Variants in FBXO11 observed in about 807,000 individuals in gnomAD.
The protein encoded by FBXO11 is F-box only protein 11.
FBXO11 carries 13 observed loss-of-function variants against 117.0 expected under a neutral mutation model. The observed-to-expected ratio is 0.11, with a 90% confidence interval of 0.07 to 0.18. The LOEUF (loss-of-function observed/expected upper bound fraction) is 0.18, where lower values mean the gene tolerates loss of function less well. Among genes scored for constraint, FBXO11 ranks in the 10% least tolerant of loss-of-function variants. The pLI is 1.00. For missense variants in FBXO11, 767 were observed against 1,164.4 expected (o/e 0.66, Z 4.97); for synonymous variants, 490 against 380.5 (o/e 1.29, Z -3.35).
rs1672853103 is a variant in FBXO11 at position 47,839,495 on chromosome 2, G to C, written c.366C>G (p.Ala122=). The C allele has an allele frequency of 1.9e-6, 3 of 1,613,544 alleles. No individual in the cohort carries two copies. The highest frequency in any genetic ancestry group is 1.7e-4 in the Middle Eastern group (1 of 6,060). The change falls in exon 3 of 23, where the codon GCC becomes GCG. Residue 122 remains alanine, a synonymous_variant. Transcript: ENST00000403359. ...ACPTKNSMEG[A]STSTTENFGH... is the part of the protein sequence containing the mutation. ...CAAAGTTTTCTGTAGTTGAAGTTGA[G>C]GCGCCCTTCAAAAACAAAACAGAAA...
intron 1 of FBXO11, among the ~76,000 whole-genome samples, chr2:47,848,963 G>A (rs1174530215): frequency 6.6e-6 from 1 of 152,214 alleles, no homozygotes; most frequent in African/African-American, 2.4e-5. Context: ...ATTGACAGAA[G>A]TTTTTTTCCC....
intron 1 of FBXO11, among the ~76,000 whole-genome samples, chr2:47,887,434 C>T (rs560296758): frequency 2.6e-5 from 4 of 151,952 alleles, no homozygotes; most frequent in Admixed American, 1.3e-4. Context: ...GACTTTCCCC[C>T]TTAAATTCTA....
chr2:47,880,642 C>A (rs1408695425), intron 1 of FBXO11, among the ~76,000 whole-genome samples: 1 of 152,168 alleles, frequency 6.6e-6, no homozygotes. Flanking sequence ...TTCTGCTTCA[C>A]CAAGTTTGCT....
In FBXO11 at chr2:47,814,929, A is replaced by G. The variant is rs1309493714; in HGVS notation, c.2007-1062T>C. Among the ~76,000 whole-genome samples the G allele has an allele frequency of 2.0e-5, 3 of 152,160 alleles. No individual in the cohort carries two copies. In the East Asian group the frequency reaches 5.8e-4, roughly 29 times the overall value. ...TTCAACAGGAACAGACCCCACCTCA[A>G]GAAAAACCACTCTTTGCTCATCCGT... is the stretch of plus-strand genomic sequence containing the variant. On this transcript the variant is annotated intron_variant, in intron 16 of 22. Transcript: ENST00000403359.
At chr2:47,871,163 T>G (rs2103828547) in intron 1 of FBXO11, among the ~76,000 whole-genome samples, 1 of 152,290 alleles carries the variant, frequency 6.6e-6, no homozygotes, top group African/African-American at 2.4e-5. Flanking sequence ...AAAGACACAG[T>G]AGCTACCTGC....
intron 1 of FBXO11, among the ~76,000 whole-genome samples, chr2:47,898,664 G>A (rs1347236990): frequency 1.3e-5 from 2 of 152,138 alleles, no homozygotes; most frequent in Middle Eastern, 3.2e-3. Flanking sequence ...ATTATAATCA[G>A]AAGATTACTT....
At chr2:47,859,554 T>C (rs1483687772) in intron 1 of FBXO11, among the ~76,000 whole-genome samples, 1 of 152,214 alleles carries the variant, frequency 6.6e-6, no homozygotes, top group Non-Finnish European at 1.5e-5. Flanking sequence ...CATAAATGGA[T>C]GAGACCTCAA....
chr2:47,877,336 T>C (rs1676079845), intron 1 of FBXO11, among the ~76,000 whole-genome samples: 2 of 152,294 alleles, frequency 1.3e-5, no homozygotes, highest in South Asian at 2.1e-4. Context: ...TTTACACCTA[T>C]AGACTAAGGA....
intron 1 of FBXO11, among the ~76,000 whole-genome samples, chr2:47,885,219 T>C (rs990794527): frequency 6.6e-6 from 1 of 152,048 alleles, no homozygotes; most frequent in Non-Finnish European, 1.5e-5. Flanking sequence ...AATACTGAAG[T>C]CAAGCAACCA....
chr2:47,905,453 G>C (rs1191268269), intron 1 of FBXO11, 36 bp downstream of exon 1: 2 of 1,208,008 alleles, frequency 1.7e-6, no homozygotes, highest in Non-Finnish European at 2.1e-6. Context: ...CGCGGTGCCC[G>C]GGAAGGCGGG....
At chr2:47,822,942 T>G (rs1028649006) in intron 12 of FBXO11, among the ~76,000 whole-genome samples, 1 of 152,108 alleles carries the variant, frequency 6.6e-6, no homozygotes, top group African/African-American at 2.4e-5. Flanking sequence ...ATATCACTAA[T>G]AAAAAGAAAA....
At chr2:47,814,077 TAG>T (rs1258644388) in intron 16 of FBXO11, 4 of 464,904 alleles carry the variant, frequency 8.6e-6, no homozygotes, top group Non-Finnish European at 1.6e-5. Flanking sequence ...ATTATTATTG[TAG>T]AGTTTCCTAA....
intron 1 of FBXO11, among the ~76,000 whole-genome samples, chr2:47,897,165 CTAAG>C (rs1298602166): frequency 2.6e-5 from 4 of 152,166 alleles, no homozygotes; most frequent in East Asian, 1.9e-4. Context: ...CCCTTTCCTA[CTAAG>C]TGTTAGAATC....
chr2:47,861,269 T>C (rs1002998990), intron 1 of FBXO11, among the ~76,000 whole-genome samples: 1 of 152,134 alleles, frequency 6.6e-6, no homozygotes, highest in Non-Finnish European at 1.5e-5. Context: ...GGAGTAGATA[T>C]TGTAATTGAC....
chr2:47,854,392 A>C (rs527902151), intron 1 of FBXO11, among the ~76,000 whole-genome samples: 4 of 152,122 alleles, frequency 2.6e-5, no homozygotes, highest in Non-Finnish European at 4.4e-5. Flanking sequence ...AGTTTTCCAC[A>C]ACTTTCCCAT....
chr2:47,900,697 C>A lies in FBXO11; in HGVS notation c.232+4792G>T, dbSNP rs1403714018. 3.3e-5 allele frequency among the ~76,000 whole-genome samples: 3 copies of A among 90,920 alleles called. 1 individual carries two copies. The highest frequency in any genetic ancestry group is 7.4e-5 in the Non-Finnish European group (3 of 40,672). 59.6% of individuals were successfully genotyped at this position (90,920 alleles called of 152,430 possible). ...ATACACACGTATACACACACGTATA[C>A]ACACACGTGTATATATATACACGTA... On this transcript the variant is annotated intron_variant, in intron 1 of 22. Transcript: ENST00000403359.
At chr2:47,865,064 TAACA>T (rs1481700116) in intron 1 of FBXO11, among the ~76,000 whole-genome samples, 1 of 152,202 alleles carries the variant, frequency 6.6e-6, no homozygotes, top group Non-Finnish European at 1.5e-5. Flanking sequence ...CCACAGGAAT[TAACA>T]GAGTTGTGTT....
chr2:47,890,274 A>G (rs1385061060), intron 1 of FBXO11, among the ~76,000 whole-genome samples: 2 of 152,152 alleles, frequency 1.3e-5, no homozygotes, highest in Non-Finnish European at 2.9e-5. Context: ...GACTAATTTT[A>G]ATTCTGAACT....
chr2:47,894,191 CT>C (rs1677478403), intron 1 of FBXO11, among the ~76,000 whole-genome samples: 1 of 152,072 alleles, frequency 6.6e-6, no homozygotes, highest in Non-Finnish European at 1.5e-5. Context: ...GGCAGAGGCA[CT>C]TTTTCACCTT....
Sources: gnomAD v4.1 joint callset for allele counts (sites outside exome capture counted in the v4.1 genomes callset) on GRCh38, gnomAD v4.1.1 for gene constraint, MANE v1.5 for transcripts, NCBI Gene and HGNC (gene_info 2026-07-23, HGNC 2026-07-21) for gene names.